The following MSL2 variants were observed in gnomAD, a reference collection of about 807,000 sequenced individuals.
The protein encoded by MSL2 is MSL complex subunit 2, also known as E3 ubiquitin-protein ligase MSL2.
A neutral mutation model predicts 35.8 loss-of-function variants in MSL2; 2 were observed. The observed-to-expected ratio is 0.06, with a 90% CI of 0.02 to 0.18. The LOEUF (loss-of-function observed/expected upper bound fraction) is 0.18, where lower values mean the gene tolerates loss of function less well. MSL2 is among the 10% of genes least tolerant of loss of function. MSL2 has a pLI of 1.00. For synonymous variants in MSL2, 296 were observed against 255.7 expected (o/e 1.16, Z -1.50); for missense variants, 523 against 706.7 (o/e 0.74, Z 2.95).
At chr3:136,183,048 A>G (rs1559970507) in intron 1 of MSL2, among the ~76,000 whole-genome samples, 1 of 152,236 alleles carries the variant, frequency 6.6e-6, no homozygotes, top group Non-Finnish European at 1.5e-5. Context: ...CAAGTAACTT[A>G]GCCTCATCCC....
chr3:136,157,243 AG>A (rs1174601708), intron 1 of MSL2, among the ~76,000 whole-genome samples: 3 of 152,002 alleles, frequency 2.0e-5, no homozygotes, highest in South Asian at 2.1e-4. Flanking sequence ...ACCTGAGGTC[AG>A]GAAGGCGGGC....
chr3:136,158,423 TCACA>T (rs746815345), intron 1 of MSL2, among the ~76,000 whole-genome samples: 2 of 151,560 alleles, frequency 1.3e-5, no homozygotes, highest in Non-Finnish European at 2.9e-5. Flanking sequence ...CAATACCTAT[TCACA>T]CACACACACA....
At chr3:136,185,213 G>A (rs149719840) in intron 1 of MSL2, among the ~76,000 whole-genome samples, 4 of 151,010 alleles carry the variant, frequency 2.6e-5, no homozygotes, top group Non-Finnish European at 5.9e-5. Flanking sequence ...TGACCTCAAA[G>A]GATCCGCCAG....
intron 1 of MSL2, among the ~76,000 whole-genome samples, chr3:136,174,556 T>C (rs1443711298): frequency 6.6e-6 from 1 of 152,166 alleles, no homozygotes; most frequent in Non-Finnish European, 1.5e-5. Context: ...TAATGGATAG[T>C]GACTGAGGCA....
rs375097261 is a variant in MSL2, at chr3:136,151,778, G to A, written c.1103C>T (p.Ala368Val). ...STIIRGPTLGASAPVTVKRES... is the reference protein window; with the variant it reads ...STIIRGPTLGVSAPVTVKRES... ...CCGTTTCACTGTCACAGGAGCAGAT[G>A]CCCCCAGTGTTGGGCCTCGGATAAT... Residue 368 changes from alanine to valine, a missense_variant, in exon 2 of 2, where the codon GCA (alanine) becomes GTA (valine). Around this residue, in one of 5 missense-constraint regions of MSL2, gnomAD observed 361 missense variants for 414.6 expected, o/e 0.87. Coordinates refer to ENST00000309993, the MANE Select transcript of MSL2 (RefSeq NM_018133.4). The surrounding 1 kb of genome is among the most constrained non-coding windows in gnomAD (Gnocchi z 5.2). 1.9e-6 allele frequency: 3 copies of A among 1,614,050 alleles called. No individual in the cohort carries two copies. In the African/African-American group the frequency reaches 4.0e-5, roughly 22 times the overall value.
intron 1 of MSL2, among the ~76,000 whole-genome samples, chr3:136,176,016 C>T (rs1940162835): frequency 6.6e-6 from 1 of 151,734 alleles, no homozygotes; most frequent in Non-Finnish European, 1.5e-5. Context: ...CAAACAATAA[C>T]TAGTAGGACA....
intron 1 of MSL2, among the ~76,000 whole-genome samples, chr3:136,176,515 CAAAAAA>C (rs771021498): frequency 3.7e-5 from 2 of 54,152 alleles, no homozygotes; most frequent in South Asian, 6.5e-4. Context: ...GACCCTCTCT[CAAAAAA>C]AAAAAAAAAA....
At chr3:136,179,884 G>A (rs1317416358) in intron 1 of MSL2, among the ~76,000 whole-genome samples, 4 of 152,170 alleles carry the variant, frequency 2.6e-5, no homozygotes, top group African/African-American at 7.2e-5. Flanking sequence ...TGGCCAACAC[G>A]GTGAAACTCC....
rs1261712252 is a variant in MSL2 at position 136,150,238 on chromosome 3, T to C, written c.*909A>G. ...AATAAAGACTGTGGCAAATAAACTATTAGAGAAAATAAGTCAAAGTGGCGG... is the reference window on the plus strand; with the variant it reads ...AATAAAGACTGTGGCAAATAAACTACTAGAGAAAATAAGTCAAAGTGGCGG... On this transcript the variant is annotated 3_prime_UTR_variant, in exon 2 of 2. Transcript: ENST00000309993. 2.6e-5 allele frequency: 4 copies of C among 152,154 alleles called. No individual in the cohort carries two copies. The highest frequency in any genetic ancestry group is 4.8e-5 in the African/African-American group (2 of 41,398). The allele number at this position is 152,154 out of a possible 1,614,324, so 9.4% of individuals were successfully genotyped here. A position where few individuals can be genotyped will look rare whatever the true frequency, so the allele number is the denominator to read the frequency against.
chr3:136,182,771 T>A (rs1559970397), intron 1 of MSL2, among the ~76,000 whole-genome samples: 1 of 150,544 alleles, frequency 6.6e-6, no homozygotes, highest in Non-Finnish European at 1.5e-5. Context: ...CCCTCTCAAG[T>A]CTTCAGCTCA....
chr3:136,183,621 C>T (rs1184731258), intron 1 of MSL2, among the ~76,000 whole-genome samples: 1 of 152,022 alleles, frequency 6.6e-6, no homozygotes, highest in African/African-American at 2.4e-5. Flanking sequence ...CAGGGTTTTG[C>T]CATGTTGCCC....
At chr3:136,172,816 G>T (rs1330669704) in intron 1 of MSL2, among the ~76,000 whole-genome samples, 1 of 152,096 alleles carries the variant, frequency 6.6e-6, no homozygotes, top group Non-Finnish European at 1.5e-5. Context: ...ATCTTATGAG[G>T]ATCATTAATC....
At chr3:136,183,638 G>C (rs1940429786) in intron 1 of MSL2, among the ~76,000 whole-genome samples, 1 of 152,108 alleles carries the variant, frequency 6.6e-6, no homozygotes, top group African/African-American at 2.4e-5. Context: ...GCCCAGGCTA[G>C]AAAAATCAAA....
At chr3:136,190,158 G>A (rs1940644844) in intron 1 of MSL2, among the ~76,000 whole-genome samples, 1 of 152,144 alleles carries the variant, frequency 6.6e-6, no homozygotes, top group Non-Finnish European at 1.5e-5. Flanking sequence ...TCAGCACTTG[G>A]CCAATAATTG....
intron 1 of MSL2, among the ~76,000 whole-genome samples, chr3:136,190,734 A>G (rs1341740272): frequency 1.3e-5 from 2 of 152,216 alleles, no homozygotes; most frequent in African/African-American, 4.8e-5. Flanking sequence ...TCCTTAGGCC[A>G]AAACTTATCA....
rs1232594336 is a variant in MSL2 at position 136,196,285 on chromosome 3, A to G, written c.-1172T>C. On this transcript the variant is annotated 5_prime_UTR_variant, in exon 1 of 2. An upstream start codon of the reference 5' UTR is lost. Coordinates refer to ENST00000309993, the MANE Select transcript of MSL2 (RefSeq NM_018133.4). ...TACCCCAACGGGCAAAGCCACTGTC[A>G]TCCCCGAGACTCCCCCGCCGCCGTC... is the stretch of plus-strand genomic sequence containing the variant. The G allele has an allele frequency of 1.3e-5, 2 of 151,950 alleles. No individual in the cohort carries two copies. Among genetic ancestry groups the G allele is most frequent in the Non-Finnish European group, 2.9e-5 (2 of 68,328 alleles). The allele number at this position is 151,950 out of a possible 1,614,324, so 9.4% of individuals were successfully genotyped here.
At chr3:136,192,195 C>T (rs1349512567) in intron 1 of MSL2, among the ~76,000 whole-genome samples, 1 of 152,012 alleles carries the variant, frequency 6.6e-6, no homozygotes, top group African/African-American at 2.4e-5. Context: ...TTTTTTGAGC[C>T]GGAGTTTCAC....
chr3:136,157,892 A>G (rs1316057792), intron 1 of MSL2, among the ~76,000 whole-genome samples: 3 of 152,236 alleles, frequency 2.0e-5, no homozygotes, highest in Non-Finnish European at 4.4e-5. Flanking sequence ...AAATGCCTTC[A>G]CTGGTAAATT....
chr3:136,168,414 T>C (rs934033210), intron 1 of MSL2, among the ~76,000 whole-genome samples: 5 of 152,142 alleles, frequency 3.3e-5, no homozygotes, highest in Non-Finnish European at 7.3e-5. Context: ...ACATAAACCA[T>C]GGAATACTAC....
Sources: gnomAD v4.1 joint callset for allele counts (sites outside exome capture counted in the v4.1 genomes callset) on GRCh38, gnomAD v4.1.1 for gene constraint, gnomAD v4.1.1 regional missense constraint, Gnocchi (gnomAD v3.1) non-coding constraint, MANE v1.5 for transcripts, NCBI Gene and HGNC (gene_info 2026-07-23, HGNC 2026-07-21) for gene names.